The following THAP4 variants were observed in gnomAD, a reference collection of about 807,000 sequenced individuals.
The protein encoded by THAP4 is THAP domain containing 4.
In THAP4, 18 loss-of-function variants were observed where a neutral mutation model predicts 48.1. The observed-to-expected ratio is 0.37, with a 90% CI of 0.26 to 0.56. The LOEUF (loss-of-function observed/expected upper bound fraction) is 0.56. THAP4 is among the 20% of genes least tolerant of loss of function. The probability of loss-of-function intolerance (pLI) is 0.78; values close to 1 mark genes in which losing one functional copy is unlikely to be tolerated. For synonymous variants in THAP4, 345 were observed against 324.9 expected (o/e 1.06, Z -0.66); for missense variants, 656 against 774.9 (o/e 0.85, Z 1.82).
chr2:241,594,579 A>G, intron 5 of THAP4: 1 of 354,958 alleles, frequency 2.8e-6, no homozygotes, highest in Non-Finnish European at 5.6e-6. Flanking sequence ...ACAAAAAACA[A>G]AACAAAACAA....
At chr2:241,589,235 A>C (rs1347412884) in intron 5 of THAP4, among the ~76,000 whole-genome samples, 1 of 151,506 alleles carries the variant, frequency 6.6e-6, no homozygotes, top group Admixed American at 6.6e-5. Flanking sequence ...GAAAAAGAAA[A>C]GAAACCCCCC....
In THAP4 at chr2:241,616,426, G is replaced by C. The variant is rs1016920389; in HGVS notation, c.1241-9953C>G. ...GCGGGTAAGCAGTGGCACCTGAGCA[G>C]GGGGATGGTGTCCTGGTAAGAACAG... is the stretch of plus-strand genomic sequence containing the variant. On this transcript the variant is annotated intron_variant, in intron 2 of 5. Transcript: ENST00000407315. The surrounding 1 kb of genome is among the most constrained non-coding windows in gnomAD (Gnocchi z 4.6). Among the ~76,000 whole-genome samples, 1 of 152,210 alleles carries C rather than the reference G, an allele frequency of 6.6e-6. No homozygotes were observed. Among genetic ancestry groups the C allele is most frequent in the Non-Finnish European group, 1.5e-5 (1 of 68,044 alleles).
Position 241,584,562 on chromosome 2 carries a change from G to A in THAP4, c.*44C>T, listed in dbSNP as rs752655765. ...GTCTGTTGAGGAGCCGAACCGTTGA[G>A]GCACAGTAGCCAGGCCCTCCCGAGG... On this transcript the variant is annotated 3_prime_UTR_variant, in exon 6 of 6. Transcript: ENST00000407315. The A allele has an allele frequency of 6.2e-7, 1 of 1,612,672 alleles. No homozygotes were observed. The highest frequency in any genetic ancestry group is 1.7e-5 in the Admixed American group (1 of 59,956).
intron 2 of THAP4, among the ~76,000 whole-genome samples, chr2:241,629,241 G>A (rs1004251121): frequency 1.3e-5 from 2 of 152,026 alleles, no homozygotes; most frequent in African/African-American, 2.4e-5. Flanking sequence ...AGGCTGAGAC[G>A]GGAAGATCCC....
intron 2 of THAP4, among the ~76,000 whole-genome samples, chr2:241,609,806 G>A (rs1479460746): frequency 6.6e-6 from 1 of 151,802 alleles, no homozygotes; most frequent in Non-Finnish European, 1.5e-5. Flanking sequence ...GAAAGAAAGA[G>A]GCTTTGCAAA....
intron 1 of THAP4, among the ~76,000 whole-genome samples, chr2:241,636,735 C>T (rs922845300): frequency 6.6e-6 from 1 of 150,982 alleles, no homozygotes; most frequent in African/African-American, 2.4e-5. Context: ...CCCAGGCGGC[C>T]GGGGTGGGGG....
rs1049807282 is a variant in THAP4 at position 241,610,474 on chromosome 2, G to T, written c.1241-4001C>A. Reference sequence around the variant, plus strand: ...CGCTCACTGGCTGCCACCTCACCTAGCAGGCGTCACAGGGCTCACTCAAGA... The same window carrying T: ...CGCTCACTGGCTGCCACCTCACCTATCAGGCGTCACAGGGCTCACTCAAGA... On this transcript the variant is annotated intron_variant, in intron 2 of 5. Transcript: ENST00000407315. This position sits in a 1 kb window ranked among gnomAD's most constrained non-coding sequence, Gnocchi z 4.2. Among the ~76,000 whole-genome samples the T allele has an allele frequency of 1.3e-5, 2 of 152,216 alleles. No homozygotes were observed. Among genetic ancestry groups the T allele is most frequent in the African/African-American group, 4.8e-5 (2 of 41,466 alleles).
chr2:241,621,692 G>A (rs1305288396), intron 2 of THAP4, among the ~76,000 whole-genome samples: 1 of 152,114 alleles, frequency 6.6e-6, no homozygotes. Flanking sequence ...GCCAGAAAGA[G>A]ATAAAAGGAG....
At chr2:241,607,126 C>A (rs899083634) in intron 2 of THAP4, among the ~76,000 whole-genome samples, 3 of 152,056 alleles carry the variant, frequency 2.0e-5, no homozygotes, top group African/African-American at 7.2e-5. Context: ...GGCCAGGAGA[C>A]CCCTTTAGAA....
intron 5 of THAP4, chr2:241,584,931 G>T (rs2066874687): frequency 3.2e-6 from 2 of 617,902 alleles, no homozygotes; most frequent in Admixed American, 2.8e-5. Context: ...ACCACCAGGG[G>T]AACACAGGGA....
Position 241,584,744 on chromosome 2 carries a change from C to G in THAP4, c.1615-19G>C. 3 of 1,614,156 alleles carry G rather than the reference C, an allele frequency of 1.9e-6. No individual in the cohort carries two copies. Among genetic ancestry groups the G allele is most frequent in the Non-Finnish European group, 2.5e-6 (3 of 1,179,992 alleles). ...GGGTGATCTGAGCAGGAGAATGGAA[C>G]AAAGATAGCTTAGTTTTATCTTCAA... On this transcript the variant is annotated intron_variant, in intron 5 of 5. Transcript: ENST00000407315.
intron 2 of THAP4, among the ~76,000 whole-genome samples, chr2:241,627,675 C>G (rs1309229219): frequency 1.3e-5 from 2 of 152,208 alleles, no homozygotes; most frequent in Non-Finnish European, 2.9e-5. Context: ...GAGTCTGTCA[C>G]TGAAGAACAA....
intron 2 of THAP4, among the ~76,000 whole-genome samples, chr2:241,614,804 G>A (rs1385071601): frequency 2.6e-5 from 4 of 152,086 alleles, no homozygotes; most frequent in African/African-American, 9.7e-5. Context: ...CAGGAGAATC[G>A]CTTGAAACTG....
At position 241,619,766 on chromosome 2, in the gene THAP4, G is replaced by A. The variant is rs538878825; in HGVS notation, c.1240+13151C>T. Among the ~76,000 whole-genome samples, 69 of 144,610 alleles carry A rather than the reference G, an allele frequency of 4.8e-4. 1 individual carries two copies. Among genetic ancestry groups the A allele is most frequent in the African/African-American group, 1.8e-3 (68 of 38,710 alleles). 94.9% of individuals were successfully genotyped at this position (144,610 alleles called of 152,430 possible). On this transcript the variant is annotated intron_variant, in intron 2 of 5. Transcript: ENST00000407315. ...GAGGGGTGAGTGAGTTGGTGAGTGA[G>A]GGGTGAGTGAGTCGGTGAGTGAGGG...
chr2:241,634,214 C>G, intron 1 of THAP4, 135 bp from the exon 2 acceptor site: 2 of 634,476 alleles, frequency 3.2e-6, no homozygotes. Context: ...AAAAATACTT[C>G]AAAAAGATTT....
intron 2 of THAP4, among the ~76,000 whole-genome samples, chr2:241,625,797 C>CAAAAAAAAAAAAAAAAA (rs147602587): frequency 6.0e-5 from 3 of 50,166 alleles, no homozygotes; most frequent in African/African-American, 1.9e-4. Flanking sequence ...GACTCCGTCT[C>CAAAAAAAAAAAAAAAAA]AAAAAAAAAA....
rs374621970 is a variant in THAP4, at chr2:241,632,908, G to A, written c.1240+9C>T. ...AGGGAACATGGGTACGCGAGGCTCCGGTACTGACCGCGGCTGGGCGACAGC... is the reference window on the plus strand; with the variant it reads ...AGGGAACATGGGTACGCGAGGCTCCAGTACTGACCGCGGCTGGGCGACAGC... On this transcript the variant is annotated intron_variant, in intron 2 of 5. Transcript: ENST00000407315. 1.7e-4 allele frequency: 265 copies of A among 1,583,966 alleles called. No homozygotes were observed. The highest frequency in any genetic ancestry group is 2.2e-4 in the Non-Finnish European group (251 of 1,164,546).
chr2:241,598,735 C>CTGGCCACTCACCTT, intron 5 of THAP4, among the ~76,000 whole-genome samples: 1 of 152,128 alleles, frequency 6.6e-6, no homozygotes, highest in East Asian at 1.9e-4. Context: ...CCACTCACCT[C>CTGGCCACTCACCTT]CTGCAGTGAG....
chr2:241,628,977 A>C (rs1418328873), intron 2 of THAP4, among the ~76,000 whole-genome samples: 2 of 150,776 alleles, frequency 1.3e-5, no homozygotes, highest in Non-Finnish European at 3.0e-5. Context: ...AAAGGAGGGG[A>C]AACTTGGATA....
Sources: allele counts gnomAD v4.1 joint callset (sites outside exome capture counted in the v4.1 genomes callset), GRCh38; gene constraint gnomAD v4.1.1; non-coding constraint Gnocchi (gnomAD v3.1); transcripts MANE v1.5; gene names NCBI Gene and HGNC (gene_info 2026-07-23, HGNC 2026-07-21).